Variants in STAG1 observed in about 807,000 individuals in gnomAD.
STAG1 encodes the protein STAG1 cohesin complex component, also known as cohesin subunit SA-1.
STAG1 carries 26 observed loss-of-function variants against 170.9 expected under a neutral mutation model. The observed-to-expected ratio is 0.15, with a 90% CI of 0.11 to 0.21. STAG1 has a LOEUF of 0.21. STAG1 is among the 10% of genes least tolerant of loss of function. The probability of loss-of-function intolerance (pLI) is 1.00; values close to 1 mark genes in which losing one functional copy is unlikely to be tolerated. For missense variants in STAG1, 964 were observed against 1,509.5 expected, an observed-to-expected ratio of 0.64 and a Z score of 5.99; for synonymous variants, 514 against 497.7, an observed-to-expected ratio of 1.03 and a Z score of -0.44.
At chr3:136,619,670 T>C (rs1939752121) in intron 3 of STAG1, among the ~76,000 whole-genome samples, 1 of 149,042 alleles carries the variant, frequency 6.7e-6, no homozygotes, top group South Asian at 2.1e-4. Context: ...GGTGGGAGAA[T>C]TGCTTGAACC....
intron 16 of STAG1, among the ~76,000 whole-genome samples, chr3:136,428,509 A>G (rs2088200059): frequency 6.6e-6 from 1 of 152,218 alleles, no homozygotes; most frequent in Non-Finnish European, 1.5e-5. Context: ...GTATCTCTAA[A>G]TCAGCCTACA....
intron 1 of STAG1, among the ~76,000 whole-genome samples, chr3:136,706,364 T>C (rs1287057967): frequency 6.6e-6 from 1 of 152,132 alleles, no homozygotes; most frequent in Admixed American, 6.5e-5. Flanking sequence ...AAATTCCCAC[T>C]AAACTGATAA....
At chr3:136,613,932 T>C (rs902282015) in intron 3 of STAG1, among the ~76,000 whole-genome samples, 11 of 152,066 alleles carry the variant, frequency 7.2e-5, no homozygotes, top group Non-Finnish European at 1.3e-4. Context: ...GAACTTATAC[T>C]GGCTGGGCGT....
chr3:136,451,992 A>G, intron 14 of STAG1, 41 bp downstream of exon 14: 1 of 1,266,852 alleles, frequency 7.9e-7, no homozygotes, highest in Non-Finnish European at 1.1e-6. Flanking sequence ...AAAATGTAAT[A>G]TAATAAAAGA....
chr3:136,737,378 A>G, intron 1 of STAG1: 1 of 350,058 alleles, frequency 2.9e-6, no homozygotes, highest in South Asian at 2.4e-5. Context: ...CTGGGATTAC[A>G]GGCGTGAGCC....
chr3:136,712,623 T>C (rs984088159), intron 1 of STAG1, among the ~76,000 whole-genome samples: 1 of 152,198 alleles, frequency 6.6e-6, no homozygotes, highest in African/African-American at 2.4e-5. Context: ...TTGGCAATAA[T>C]GTGCACTCAG....
At chr3:136,605,862 G>C (rs891770653) in intron 3 of STAG1, among the ~76,000 whole-genome samples, 1 of 152,200 alleles carries the variant, frequency 6.6e-6, no homozygotes, top group African/African-American at 2.4e-5. Flanking sequence ...GGCATAGCTT[G>C]GAGGGGCTTC....
chr3:136,457,832 A>T (rs1465245252), intron 13 of STAG1, among the ~76,000 whole-genome samples: 2 of 152,184 alleles, frequency 1.3e-5, no homozygotes, highest in African/African-American at 4.8e-5. Flanking sequence ...ATGGTGATTC[A>T]TGCCTGTAAT....
chr3:136,699,231 G>T lies in STAG1; in HGVS notation c.-84+52964C>A, dbSNP rs377031217. Reference sequence around the variant, plus strand: ...CAAAACTATTGAAATAAAAAAGAAAGAATGACTTCCTTTAATGTCTCAATA... The same window carrying T: ...CAAAACTATTGAAATAAAAAAGAAATAATGACTTCCTTTAATGTCTCAATA... On this transcript the variant is annotated intron_variant, in intron 1 of 33. Coordinates refer to ENST00000383202, the MANE Select transcript of STAG1 (RefSeq NM_005862.3). Among the ~76,000 whole-genome samples the T allele has an allele frequency of 1.3e-4, 20 of 152,168 alleles. No individual in the cohort carries two copies. In the South Asian group the frequency reaches 2.9e-3, roughly 22 times the overall value.
At chr3:136,575,696 T>C (rs373934526) in intron 4 of STAG1, among the ~76,000 whole-genome samples, 3 of 149,372 alleles carry the variant, frequency 2.0e-5, no homozygotes, top group African/African-American at 4.9e-5. Context: ...TAAGGTGACA[T>C]AGGATCTTGT....
intron 1 of STAG1, among the ~76,000 whole-genome samples, chr3:136,690,438 T>C (rs1942684782): frequency 6.6e-6 from 1 of 152,234 alleles, no homozygotes; most frequent in Non-Finnish European, 1.5e-5. Flanking sequence ...GGTTTCACCA[T>C]GTTGGGCAGG....
At chr3:136,591,217 C>CAAAA (rs574644995) in intron 4 of STAG1, among the ~76,000 whole-genome samples, 4 of 57,842 alleles carry the variant, frequency 6.9e-5, no homozygotes, top group East Asian at 3.0e-4. Context: ...AGTCTTTTTT[C>CAAAA]AAAAAAAAAA....
chr3:136,712,083 T>C (rs1349224277), intron 1 of STAG1, among the ~76,000 whole-genome samples: 1 of 152,252 alleles, frequency 6.6e-6, no homozygotes, highest in Non-Finnish European at 1.5e-5. Flanking sequence ...AGTGGCATGA[T>C]CTCGGCTCAC....
At chr3:136,488,910 T>C (rs941591125) in intron 9 of STAG1, among the ~76,000 whole-genome samples, 25 of 152,338 alleles carry the variant, frequency 1.6e-4, no homozygotes, top group African/African-American at 5.1e-4. Flanking sequence ...CTATTTCCAA[T>C]AGCCTCACCC....
chr3:136,499,809 C>T (rs561403696), intron 9 of STAG1: 2 of 153,024 alleles, frequency 1.3e-5, no homozygotes, highest in African/African-American at 4.8e-5. Context: ...CCTCTTTTCG[C>T]CCAGCTTCAC....
chr3:136,394,627 A>G (rs2087099529), intron 22 of STAG1, among the ~76,000 whole-genome samples: 1 of 151,778 alleles, frequency 6.6e-6, no homozygotes, highest in Non-Finnish European at 1.5e-5. Flanking sequence ...AATATAAAAA[A>G]GTAGCCAGGC....
At chr3:136,347,649 TAAAA>T (rs1258790456) in intron 29 of STAG1, among the ~76,000 whole-genome samples, 1 of 152,016 alleles carries the variant, frequency 6.6e-6, no homozygotes, top group Non-Finnish European at 1.5e-5. Context: ...GCTGCAAGGT[TAAAA>T]AAAGAAAAGG....
rs377484283 is a variant in STAG1, at chr3:136,622,203, C to T, written c.132+943G>A. On this transcript the variant is annotated intron_variant, in intron 3 of 33. Coordinates refer to ENST00000383202, the MANE Select transcript of STAG1 (RefSeq NM_005862.3). ...GGCATGATGGTGAGGGCCTATAATC[C>T]CAGCTACTCAGGAGGCTGAGGCAGG... is the stretch of plus-strand genomic sequence containing the variant. Among the ~76,000 whole-genome samples the T allele has an allele frequency of 6.6e-5, 10 of 150,916 alleles. No homozygotes were observed. In the East Asian group the frequency reaches 1.4e-3, roughly 21 times the overall value.
intron 28 of STAG1, among the ~76,000 whole-genome samples, chr3:136,354,753 C>CAAAAAAAAAAAAAAAAAAAAAAAAA (rs1469138728): frequency 1.6e-3 from 1 of 624 alleles, no homozygotes; most frequent in Non-Finnish European, 3.1e-3. Flanking sequence ...GGAGAAAGAA[C>CAAAAAAAAAAAAAAAAAAAAAAAAA]CAAAAAAAAA....
Sources: gnomAD v4.1 joint callset for allele counts (sites outside exome capture counted in the v4.1 genomes callset) on GRCh38, gnomAD v4.1.1 for gene constraint, MANE v1.5 for transcripts, NCBI Gene and HGNC (gene_info 2026-07-23, HGNC 2026-07-21) for gene names.